The following LAMA3 variants were observed in gnomAD, a reference collection of about 807,000 sequenced individuals.
LAMA3 encodes the protein laminin subunit alpha 3.
Under a neutral mutation model 402.0 loss-of-function variants are expected in LAMA3, and 281 were observed. The ratio of observed to expected loss-of-function variants is 0.70; its 90% confidence interval spans 0.63 to 0.77. The LOEUF is 0.77. Ranked by LOEUF, LAMA3 falls within the 30% of genes least tolerant of loss-of-function variation. The probability of loss-of-function intolerance (pLI) is 0.00; values close to 1 mark genes in which losing one functional copy is unlikely to be tolerated. For missense variants in LAMA3, 3,840 were observed against 4,215.5 expected (o/e 0.91, Z 2.47); for synonymous variants, 1,431 against 1,558.4 (o/e 0.92, Z 1.93).
intron 12 of LAMA3, among the ~76,000 whole-genome samples, chr18:23,791,033 C>T (rs536527400): frequency 2.0e-5 from 3 of 152,086 alleles, no homozygotes; most frequent in Admixed American, 6.5e-5. Flanking sequence ...GTACTACAGG[C>T]GCCCGCCACT....
At chr18:23,722,777 G>A (rs1034178780) in intron 2 of LAMA3, among the ~76,000 whole-genome samples, 3 of 152,176 alleles carry the variant, frequency 2.0e-5, no homozygotes, top group Non-Finnish European at 2.9e-5. Context: ...TATACAGATA[G>A]AAGTTAAGAT....
At chr18:23,952,960 TG>T in intron 73 of LAMA3, 29 bp from the exon 74 acceptor site, 1 of 1,613,590 alleles carries the variant, frequency 6.2e-7, no homozygotes. Flanking sequence ...TCACCTCCGA[TG>T]ATAGACCTAA....
At chr18:23,700,237 C>T (rs1301265443) in intron 1 of LAMA3, among the ~76,000 whole-genome samples, 2 of 152,068 alleles carry the variant, frequency 1.3e-5, no homozygotes, top group Non-Finnish European at 2.9e-5. Context: ...GCTTTTGCTT[C>T]GCACTGAATT....
At chr18:23,814,266 T>C in intron 14 of LAMA3, 137 bp from the exon 15 acceptor site, 1 of 700,096 alleles carries the variant, frequency 1.4e-6, no homozygotes, top group Non-Finnish European at 2.6e-6. Context: ...ATCAACCCAG[T>C]ATTTTTTCCC....
intron 23 of LAMA3, among the ~76,000 whole-genome samples, chr18:23,827,940 G>A (rs2063417457): frequency 1.3e-5 from 2 of 152,092 alleles, no homozygotes; most frequent in Admixed American, 1.3e-4. Context: ...ACATCCCCTG[G>A]CACCTACCTC....
At chr18:23,803,022 A>T (rs1467854615) in intron 12 of LAMA3, among the ~76,000 whole-genome samples, 3 of 152,208 alleles carry the variant, frequency 2.0e-5, no homozygotes, top group Non-Finnish European at 2.9e-5. Context: ...CCATGGGCTC[A>T]CTGCTGCATT....
intron 58 of LAMA3, 124 bp from the exon 59 acceptor site, chr18:23,915,158 GGCATCTT>G: frequency 9.5e-7 from 1 of 1,049,498 alleles, no homozygotes; most frequent in Non-Finnish European, 1.4e-6. Context: ...GCAAAGCCAG[GGCATCTT>G]GTTCCAGGGT....
intron 24 of LAMA3, among the ~76,000 whole-genome samples, chr18:23,835,769 A>G (rs1477525559): frequency 6.6e-6 from 1 of 152,176 alleles, no homozygotes; most frequent in South Asian, 2.1e-4. Flanking sequence ...ATGAAAACCT[A>G]TGTTAAATGA....
At chr18:23,814,906 C>T (rs1033914174) in intron 15 of LAMA3, among the ~76,000 whole-genome samples, 3 of 152,176 alleles carry the variant, frequency 2.0e-5, no homozygotes, top group Admixed American at 6.5e-5. Flanking sequence ...GTAATGACCT[C>T]GGCATTGGAA....
At chr18:23,945,048 G>A (rs917186827) in intron 69 of LAMA3, among the ~76,000 whole-genome samples, 1 of 152,080 alleles carries the variant, frequency 6.6e-6, no homozygotes, top group African/African-American at 2.4e-5. Context: ...CAGGAGAATC[G>A]CTTGAACTCA....
chr18:23,940,735 C>A (rs1327600898), intron 68 of LAMA3, among the ~76,000 whole-genome samples: 3 of 152,142 alleles, frequency 2.0e-5, no homozygotes, highest in Non-Finnish European at 4.4e-5. Context: ...GTGTGGACAG[C>A]TCCACGTCTC....
intron 67 of LAMA3, among the ~76,000 whole-genome samples, chr18:23,935,932 A>G (rs1483019540): frequency 1.3e-5 from 2 of 151,770 alleles, no homozygotes; most frequent in Non-Finnish European, 2.9e-5. Context: ...AGCTGAGTGA[A>G]TATTGTTGCT....
chr18:23,707,983 C>T (rs1480659966), intron 1 of LAMA3, among the ~76,000 whole-genome samples: 5 of 152,166 alleles, frequency 3.3e-5, no homozygotes, highest in East Asian at 1.9e-4. Context: ...GGTTAAGAAA[C>T]CTTTCCTTGC....
intron 2 of LAMA3, among the ~76,000 whole-genome samples, chr18:23,737,356 A>G (rs1382634989): frequency 6.6e-6 from 1 of 152,160 alleles, no homozygotes; most frequent in African/African-American, 2.4e-5. Context: ...TGCATCAGGC[A>G]TGGAATCCAC....
rs147902982 is a variant in LAMA3, at chr18:23,745,940, T to C, written c.448-2003T>C. ...TTATTTTGATGTGGTCTGAGAGAGA[T>C]GTGCAAAGAGTTTTTAGCGAAATAT... On this transcript the variant is annotated intron_variant, in intron 2 of 74. Coordinates refer to ENST00000313654, the MANE Select transcript of LAMA3 (RefSeq NM_198129.4). Among the ~76,000 whole-genome samples the C allele has an allele frequency of 3.7e-3, 558 of 152,322 alleles. 3 individuals are homozygous for C. The highest frequency in any genetic ancestry group is 0.013 in the African/African-American group (529 of 41,568).
At position 23,749,499 on chromosome 18, in the gene LAMA3, C is replaced by T. The variant is rs1435016066; in HGVS notation, c.637C>T (p.Leu213Phe). 9 of 1,612,846 alleles carry T rather than the reference C, an allele frequency of 5.6e-6. No individual in the cohort carries two copies. Among genetic ancestry groups the T allele is most frequent in the Admixed American group, 1.7e-5 (1 of 60,022 alleles). Reference sequence around the variant, plus strand: ...GGCTGTCACCCGGGATGATGATGTACTTTGTGTTACTGAATATTCCCGTAT... The same window carrying T: ...GGCTGTCACCCGGGATGATGATGTATTTTGTGTTACTGAATATTCCCGTAT... ...NMAVTRDDDVLCVTEYSRIVP... is the reference protein window; with the variant it reads ...NMAVTRDDDVFCVTEYSRIVP... Residue 213 changes from leucine to phenylalanine, a missense_variant, in exon 4 of 75, where the codon CTT becomes TTT. By Grantham distance (22) the Leu-to-Phe change is conservative (BLOSUM62 0). Coordinates refer to ENST00000313654, the MANE Select transcript of LAMA3 (RefSeq NM_198129.4).
At chr18:23,717,720 A>G (rs112572800) in intron 2 of LAMA3, among the ~76,000 whole-genome samples, 1 of 63,380 alleles carries the variant, frequency 1.6e-5, no homozygotes. Flanking sequence ...GCCTGGCTAA[A>G]TTTTTTTTTT....
At chr18:23,717,570 T>G (rs1348571832) in intron 2 of LAMA3, among the ~76,000 whole-genome samples, 2 of 102,414 alleles carry the variant, frequency 2.0e-5, no homozygotes, top group African/African-American at 3.2e-5. Context: ...TTTTTTTTTT[T>G]GAGACAGAGT....
At chr18:23,760,952 C>A (rs946495266) in intron 7 of LAMA3, among the ~76,000 whole-genome samples, 1 of 152,088 alleles carries the variant, frequency 6.6e-6, no homozygotes, top group African/African-American at 2.4e-5. Context: ...CCCAGAGGGC[C>A]CATCTCCTAA....
Sources: allele counts gnomAD v4.1 joint callset (sites outside exome capture counted in the v4.1 genomes callset), GRCh38; gene constraint gnomAD v4.1.1; transcripts MANE v1.5; gene names NCBI Gene and HGNC (gene_info 2026-07-23, HGNC 2026-07-21).